VPS54: variants seen among roughly 807,000 people sequenced by gnomAD.
The protein encoded by VPS54 is vacuolar protein sorting-associated protein 54.
VPS54 carries 45 observed loss-of-function variants against 121.5 expected under a neutral mutation model. That is an observed-to-expected ratio of 0.37 (90% CI 0.29 to 0.47). The LOEUF (loss-of-function observed/expected upper bound fraction) is 0.47. Ranked by LOEUF, VPS54 falls within the 20% of genes least tolerant of loss-of-function variation. The pLI is 0.99. For missense variants in VPS54, 1,090 were observed against 1,131.4 expected, an observed-to-expected ratio of 0.96 and a Z score of 0.52; for synonymous variants, 371 against 385.8, an observed-to-expected ratio of 0.96 and a Z score of 0.45.
At chr2:63,996,651 A>C (rs942086212) in intron 1 of VPS54, among the ~76,000 whole-genome samples, 2 of 152,174 alleles carry the variant, frequency 1.3e-5, no homozygotes, top group Non-Finnish European at 2.9e-5. Flanking sequence ...AATATTAATA[A>C]TTAACAGCCC....
At chr2:63,953,150 T>TA (rs1553477568) in intron 7 of VPS54, among the ~76,000 whole-genome samples, 4 of 148,516 alleles carry the variant, frequency 2.7e-5, no homozygotes, top group South Asian at 4.3e-4. Context: ...TTTTTTTTTT[T>TA]AGACAGAGTC....
At chr2:63,997,517 T>C (rs1361395266) in intron 1 of VPS54, among the ~76,000 whole-genome samples, 4 of 152,232 alleles carry the variant, frequency 2.6e-5, no homozygotes, top group African/African-American at 7.2e-5. Flanking sequence ...CTAATAATCC[T>C]CTGAATTTTG....
intron 12 of VPS54, among the ~76,000 whole-genome samples, chr2:63,925,753 A>G (rs1474802312): frequency 6.6e-6 from 1 of 152,260 alleles, no homozygotes. Flanking sequence ...CAAATATATT[A>G]TTCCATTAAC....
At chr2:63,918,771 A>C (rs1673500655) in intron 15 of VPS54, among the ~76,000 whole-genome samples, 2 of 151,728 alleles carry the variant, frequency 1.3e-5, no homozygotes, top group Admixed American at 1.3e-4. Context: ...TCTCTCTCTA[A>C]CTTCTTTAGC....
intron 1 of VPS54, among the ~76,000 whole-genome samples, chr2:63,989,490 C>G (rs1036187239): frequency 2.0e-5 from 3 of 152,168 alleles, no homozygotes; most frequent in African/African-American, 7.2e-5. Flanking sequence ...CTGGCTGACA[C>G]TTAGGGAAAA....
chr2:63,973,855 G>A (rs1676398847), intron 3 of VPS54, among the ~76,000 whole-genome samples: 1 of 152,080 alleles, frequency 6.6e-6, no homozygotes, highest in African/African-American at 2.4e-5. Context: ...CACCAATCCT[G>A]TATCAGATAT....
chr2:63,937,120 T>C (rs980992840), intron 11 of VPS54, among the ~76,000 whole-genome samples: 1 of 152,008 alleles, frequency 6.6e-6, no homozygotes, highest in Admixed American at 6.6e-5. Context: ...ATGAAAAACA[T>C]AGGTGACAAC....
chr2:64,007,320 C>T (rs1678209019), intron 1 of VPS54, among the ~76,000 whole-genome samples: 1 of 152,104 alleles, frequency 6.6e-6, no homozygotes, highest in Non-Finnish European at 1.5e-5. Flanking sequence ...AGGGGAGTGA[C>T]TGGAAATAAT....
intron 1 of VPS54, among the ~76,000 whole-genome samples, chr2:64,014,615 T>C (rs1464688099): frequency 1.3e-5 from 2 of 152,362 alleles, no homozygotes; most frequent in South Asian, 2.1e-4. Flanking sequence ...CCATCACTAT[T>C]CTCCGCCTTA....
chr2:63,939,061 T>C (rs765676148), intron 11 of VPS54, among the ~76,000 whole-genome samples: 10 of 152,218 alleles, frequency 6.6e-5, no homozygotes, highest in Non-Finnish European at 1.3e-4. Flanking sequence ...AAAAATACTA[T>C]TGAAATATTC....
chr2:63,928,927 A>G (rs1469004852), intron 12 of VPS54, among the ~76,000 whole-genome samples: 9 of 152,134 alleles, frequency 5.9e-5, no homozygotes, highest in Non-Finnish European at 8.8e-5. Context: ...AAAGAAGACC[A>G]TTATATAATG....
chr2:63,979,970 C>G (rs1051725273), intron 3 of VPS54, among the ~76,000 whole-genome samples: 2 of 152,108 alleles, frequency 1.3e-5, no homozygotes, highest in African/African-American at 2.4e-5. Context: ...ATGGAGTGCT[C>G]TTTCAAGTCA....
At chr2:64,010,453 T>G (rs754009513) in intron 1 of VPS54, among the ~76,000 whole-genome samples, 2 of 152,202 alleles carry the variant, frequency 1.3e-5, no homozygotes, top group Non-Finnish European at 2.9e-5. Context: ...TATGTTACCA[T>G]AGTAAAAACT....
chr2:63,961,633 T>C (rs1295309347), intron 7 of VPS54, among the ~76,000 whole-genome samples: 1 of 152,240 alleles, frequency 6.6e-6, no homozygotes, highest in Non-Finnish European at 1.5e-5. Context: ...TTTTGCAATT[T>C]GATAAACAGA....
chr2:63,997,100 T>C (rs567974482), intron 1 of VPS54, among the ~76,000 whole-genome samples: 6 of 152,284 alleles, frequency 3.9e-5, no homozygotes, highest in East Asian at 1.9e-4. Flanking sequence ...TTAGGGAAAA[T>C]AGAAGAGAAC....
intron 1 of VPS54, among the ~76,000 whole-genome samples, chr2:63,985,471 A>C (rs1303246883): frequency 6.6e-6 from 1 of 152,212 alleles, no homozygotes; most frequent in Admixed American, 6.5e-5. Flanking sequence ...AAACATAACC[A>C]AATATACCAT....
chr2:63,959,806 A>T (rs1675669819), intron 7 of VPS54, among the ~76,000 whole-genome samples: 1 of 152,124 alleles, frequency 6.6e-6, no homozygotes, highest in Non-Finnish European at 1.5e-5. Flanking sequence ...AGATCACCGG[A>T]GGTCAGGAGT....
chr2:63,911,468 A>G (rs1673145994), intron 20 of VPS54, among the ~76,000 whole-genome samples: 1 of 152,262 alleles, frequency 6.6e-6, no homozygotes, highest in South Asian at 2.1e-4. Context: ...CTTTCATAAT[A>G]ATATTATTAA....
At chr2:63,895,877 C>T (rs1312355830) in intron 22 of VPS54, among the ~76,000 whole-genome samples, 1 of 152,158 alleles carries the variant, frequency 6.6e-6, no homozygotes, top group Non-Finnish European at 1.5e-5. Context: ...TAACAGCTAA[C>T]GAGTTAGCTT....
Sources: gnomAD v4.1 joint callset for allele counts (sites outside exome capture counted in the v4.1 genomes callset) on GRCh38, gnomAD v4.1.1 for gene constraint, MANE v1.5 for transcripts, NCBI Gene and HGNC (gene_info 2026-07-23, HGNC 2026-07-21) for gene names.